FMN1: variants seen among roughly 807,000 people sequenced by gnomAD.
FMN1 encodes the protein formin-1.
A neutral mutation model predicts 132.4 loss-of-function variants in FMN1; 110 were observed. That is an observed-to-expected ratio of 0.83 (90% confidence interval 0.71 to 0.97). The LOEUF (loss-of-function observed/expected upper bound fraction) is 0.97, where lower values mean the gene tolerates loss of function less well. FMN1 is among the 50% of genes least tolerant of loss of function. The pLI is 0.00. For synonymous variants in FMN1, 722 were observed against 651.7 expected (o/e 1.11, Z -1.64); for missense variants, 1,792 against 1,705.3 (o/e 1.05, Z -0.90).
intron 16 of FMN1, among the ~76,000 whole-genome samples, chr15:32,875,676 T>A (rs2059619848): frequency 6.6e-6 from 1 of 152,196 alleles, no homozygotes; most frequent in Non-Finnish European, 1.5e-5. Flanking sequence ...TTGCAGGGGC[T>A]AAGGAGGTCT....
At chr15:32,829,788 T>C (rs1379386407) in intron 17 of FMN1, among the ~76,000 whole-genome samples, 1 of 152,210 alleles carries the variant, frequency 6.6e-6, no homozygotes, top group Admixed American at 6.5e-5. Flanking sequence ...ACAACTATTT[T>C]GTTACCAGCA....
chr15:33,023,690 A>C (rs2035529188), intron 6 of FMN1, among the ~76,000 whole-genome samples: 1 of 152,190 alleles, frequency 6.6e-6, no homozygotes. Flanking sequence ...GGAAAGAGCA[A>C]ATACTGAAGA....
chr15:33,019,865 C>G (rs1017339377), intron 6 of FMN1, among the ~76,000 whole-genome samples: 2 of 152,212 alleles, frequency 1.3e-5, no homozygotes, highest in African/African-American at 4.8e-5. Context: ...TCCCTCCACA[C>G]CTCCCCGCAA....
rs533965707 is a variant in FMN1, at chr15:33,124,836, T to C, written c.1867+28212A>G. Reference sequence around the variant, plus strand: ...CAATACTAGATGAAAAAAATGCTTTTCATTTTTCTGCATTTTTTTTTTTAA... The same window carrying C: ...CAATACTAGATGAAAAAAATGCTTTCCATTTTTCTGCATTTTTTTTTTTAA... On this transcript the variant is annotated intron_variant, in intron 4 of 20. Coordinates refer to ENST00000616417, the MANE Select transcript of FMN1 (RefSeq NM_001277313.2). Among the ~76,000 whole-genome samples the C allele has an allele frequency of 4.1e-5, 6 of 147,178 alleles. No homozygotes were observed. The South Asian group carries it at 1.3e-3, about 33-fold the overall frequency.
In FMN1 at chr15:32,863,506, G is replaced by A. The variant is rs545386578; in HGVS notation, c.3836-6399C>T. 9.9e-5 allele frequency among the ~76,000 whole-genome samples: 15 copies of A among 152,248 alleles called. No homozygotes were observed. The South Asian group carries it at 2.5e-3, about 25-fold the overall frequency. ...CACATGTCTACTGAGCACCTACTACGTGCCATAAATTGTGTCAGATATTGG... is the reference window on the plus strand; with the variant it reads ...CACATGTCTACTGAGCACCTACTACATGCCATAAATTGTGTCAGATATTGG... On this transcript the variant is annotated intron_variant, in intron 16 of 20. Transcript: ENST00000616417.
intron 16 of FMN1, among the ~76,000 whole-genome samples, chr15:32,878,393 A>C (rs116433480): frequency 0.019 from 2,823 of 152,284 alleles, 74 homozygotes; most frequent in African/African-American, 0.065. Flanking sequence ...GCAGGTGGAG[A>C]CAAAGGAAGA....
intron 6 of FMN1, among the ~76,000 whole-genome samples, chr15:33,026,822 G>T (rs549675137): frequency 6.6e-6 from 1 of 152,232 alleles, no homozygotes; most frequent in South Asian, 2.1e-4. Flanking sequence ...GTACCCAGGA[G>T]GCCAGGCTAC....
At chr15:32,972,241 G>T (rs542770612) in intron 7 of FMN1, among the ~76,000 whole-genome samples, 1 of 152,130 alleles carries the variant, frequency 6.6e-6, no homozygotes, top group African/African-American at 2.4e-5. Context: ...CTCTGGGTAC[G>T]CTTCCCAGCC....
At position 33,048,726 on chromosome 15, in the gene FMN1, G is replaced by A. The variant is rs1268979302; in HGVS notation, c.2161+16231C>T. On this transcript the variant is annotated intron_variant, in intron 6 of 20. Coordinates refer to ENST00000616417, the MANE Select transcript of FMN1 (RefSeq NM_001277313.2). The stretch of plus-strand genomic sequence containing the variant: ...CATGACAAAAGGCAAGGAGGAGCAA[G>A]TCACATCTCACATGGATGGCGGCAG... Among the ~76,000 whole-genome samples the A allele has an allele frequency of 4.0e-5, 6 of 151,180 alleles. No homozygotes were observed. In the Admixed American group the frequency reaches 4.0e-4, roughly 10 times the overall value.
chr15:32,771,915 T>A lies in FMN1; in HGVS notation c.*2395A>T, dbSNP rs3743108. ...CTGTGTCAGCAACGTGGTACATTGG[T>A]GGACTTGGGAGGGGGCATCCCAGAT... On this transcript the variant is annotated 3_prime_UTR_variant, in exon 21 of 21. Transcript: ENST00000616417. 1 of 152,140 alleles carries A rather than the reference T, an allele frequency of 6.6e-6. No homozygotes were observed. Among genetic ancestry groups the A allele is most frequent in the East Asian group, 1.9e-4 (1 of 5,192 alleles). The allele number at this position is 152,140 out of a possible 1,614,324, so 9.4% of individuals were successfully genotyped here.
chr15:32,950,515 T>C (rs1033498708), intron 9 of FMN1, among the ~76,000 whole-genome samples: 3 of 152,020 alleles, frequency 2.0e-5, no homozygotes, highest in African/African-American at 7.2e-5. Context: ...AGCCATAAAA[T>C]AAAATGAGAT....
At chr15:33,179,979 ATACT>A (rs1159369689) in intron 3 of FMN1, among the ~76,000 whole-genome samples, 6 of 152,202 alleles carry the variant, frequency 3.9e-5, no homozygotes, top group South Asian at 4.1e-4. Flanking sequence ...AGGAGCGTAA[ATACT>A]TACTTTATTT....
chr15:32,908,446 C>A (rs373462889), intron 12 of FMN1, 44 bp downstream of exon 12: 1 of 1,253,764 alleles, frequency 8.0e-7, no homozygotes, highest in Admixed American at 1.8e-5. Context: ...ACAGAAATTG[C>A]AGTTCTCCTT....
intron 10 of FMN1, among the ~76,000 whole-genome samples, chr15:32,922,542 T>C (rs538162556): frequency 1.3e-5 from 2 of 152,272 alleles, no homozygotes; most frequent in South Asian, 4.1e-4. Flanking sequence ...TAGGCTGTGT[T>C]AAGGAGAGCA....
intron 9 of FMN1, among the ~76,000 whole-genome samples, chr15:32,958,549 TATACATACATACATACATAC>T (rs34715846): frequency 6.6e-6 from 1 of 150,554 alleles, no homozygotes; most frequent in Non-Finnish European, 1.5e-5. Context: ...TTTGAGAAGA[TATACATACATACATACATAC>T]ATACATACAT....
intron 5 of FMN1, among the ~76,000 whole-genome samples, chr15:33,087,820 T>TACAC (rs2038757351): frequency 3.2e-5 from 4 of 126,200 alleles, no homozygotes; most frequent in African/African-American, 1.3e-4. Flanking sequence ...TACACATATA[T>TACAC]ATACATATAT....
At chr15:32,818,829 A>C (rs1414951408) in intron 17 of FMN1, among the ~76,000 whole-genome samples, 1 of 152,058 alleles carries the variant, frequency 6.6e-6, no homozygotes, top group East Asian at 1.9e-4. Context: ...GAGAGGGTAA[A>C]ATGTTCAAAT....
intron 7 of FMN1, among the ~76,000 whole-genome samples, chr15:32,970,173 C>T (rs1456728033): frequency 6.6e-6 from 1 of 152,096 alleles, no homozygotes; most frequent in African/African-American, 2.4e-5. Flanking sequence ...CTTTTTAATG[C>T]TTATTGCCTC....
In FMN1 at chr15:33,155,042, C is replaced by G. The variant is rs1162086077; in HGVS notation, c.-128G>C. On this transcript the variant is annotated 5_prime_UTR_variant, in exon 4 of 21. Coordinates refer to ENST00000616417, the MANE Select transcript of FMN1 (RefSeq NM_001277313.2). ...CTGACAGTCATCTCCAGCAATGAGA[C>G]TGCCTGTTAGAGGAACAGGGGAAGA... The G allele has an allele frequency of 1.4e-6, 1 of 695,698 alleles. No individual in the cohort carries two copies. The highest frequency in any genetic ancestry group is 2.4e-6 in the Non-Finnish European group (1 of 424,810). 43.1% of individuals were successfully genotyped at this position (695,698 alleles called of 1,614,324 possible).
Sources: gnomAD v4.1 joint callset for allele counts (sites outside exome capture counted in the v4.1 genomes callset) on GRCh38, gnomAD v4.1.1 for gene constraint, MANE v1.5 for transcripts, NCBI Gene and HGNC (gene_info 2026-07-23, HGNC 2026-07-21) for gene names.